NCALD: variants seen among roughly 807,000 people sequenced by gnomAD.
NCALD encodes the protein neurocalcin delta, also known as neurocalcin-delta.
Under a neutral mutation model 18.6 loss-of-function variants are expected in NCALD, and 10 were observed. The observed-to-expected ratio is 0.54, with a 90% confidence interval of 0.33 to 0.91. The LOEUF (loss-of-function observed/expected upper bound fraction) is 0.91, where lower values mean the gene tolerates loss of function less well. NCALD is among the 40% of genes least tolerant of loss of function. NCALD has a pLI of 0.03. For missense variants in NCALD, 184 were observed against 247.6 expected, an observed-to-expected ratio of 0.74 and a Z score of 1.72; for synonymous variants, 88 against 87.4, an observed-to-expected ratio of 1.01 and a Z score of -0.04.
rs534858074 is a variant in NCALD at position 101,738,164 on chromosome 8, G to A, written c.-19-18516C>T. ...GTACCGGTATTGGTTTTCTCCTTAT[G>A]TTTTGTTTTTCCTAGGAAACTGAGA... is the stretch of plus-strand genomic sequence containing the variant. On this transcript the variant is annotated intron_variant, in intron 1 of 3. Coordinates refer to ENST00000220931, the MANE Select transcript of NCALD (RefSeq NM_032041.3). Among the ~76,000 whole-genome samples the A allele has an allele frequency of 1.2e-4, 18 of 152,164 alleles. 1 individual carries two copies. In the South Asian group the frequency reaches 2.9e-3, roughly 25 times the overall value.
chr8:102,070,853 C>T (rs113083184), intron 1 of NCALD, among the ~76,000 whole-genome samples: 9,250 of 152,240 alleles, frequency 0.061, 413 homozygotes, highest in Non-Finnish European at 0.092. Flanking sequence ...CACCCATTCA[C>T]ATAAGCCCTC....
intron 4 of NCALD, chr8:101,871,812 G>A: frequency 2.5e-6 from 1 of 398,420 alleles, no homozygotes; most frequent in Non-Finnish European, 4.5e-6. Flanking sequence ...AGTTCAGCAT[G>A]TGATAGCAGC....
chr8:101,830,548 C>CA (rs71268534), intron 4 of NCALD, among the ~76,000 whole-genome samples: 69,244 of 141,042 alleles, frequency 0.49, 18,993 homozygotes, highest in Non-Finnish European at 0.64. Context: ...GACTCCGTCT[C>CA]AAAAAAAAAA....
chr8:101,754,368 TGTC>T (rs1394046387), intron 1 of NCALD, among the ~76,000 whole-genome samples: 1 of 152,152 alleles, frequency 6.6e-6, no homozygotes, highest in Non-Finnish European at 1.5e-5. Context: ...TATAACAAGA[TGTC>T]ATAAACTGGG....
Position 101,729,649 on chromosome 8 carries a change from C to T in NCALD, c.-19-10001G>A, listed in dbSNP as rs535886151. Among the ~76,000 whole-genome samples, 16 of 152,240 alleles carry T rather than the reference C, an allele frequency of 1.1e-4. No individual in the cohort carries two copies. In the South Asian group the frequency reaches 3.1e-3, roughly 30 times the overall value. ...ACAAAAAAATCTGGTGAGCAAGAGG[C>T]TCACTAGAAACAAATGTACTCTTCT... On this transcript the variant is annotated intron_variant, in intron 1 of 3. Coordinates refer to ENST00000220931, the MANE Select transcript of NCALD (RefSeq NM_032041.3).
At chr8:101,891,907 A>C (rs113552357) in intron 3 of NCALD, among the ~76,000 whole-genome samples, 10,236 of 152,208 alleles carry the variant, frequency 0.067, 721 homozygotes, top group African/African-American at 0.17. Context: ...GTCTGAGATC[A>C]AACTGCAAGG....
In NCALD at chr8:101,693,351, T is replaced by TTTC. The variant is rs1563659147; in HGVS notation, c.379-456_379-455insGAA. 3 of 122,570 alleles carry TTTC rather than the reference T, an allele frequency of 2.4e-5. No individual in the cohort carries two copies. In the Admixed American group the frequency reaches 2.5e-4, roughly 10 times the overall value. 7.6% of individuals were successfully genotyped at this position (122,570 alleles called of 1,614,324 possible). A position where few individuals can be genotyped will look rare whatever the true frequency, so the allele number is the denominator to read the frequency against. ...TTTTTTTTTTTTTTTTTTTTTTTTTTCTGTACAGACAAGGTCTCATTATGT... is the reference window on the plus strand; with the variant it reads ...TTTTTTTTTTTTTTTTTTTTTTTTTTTTCCTGTACAGACAAGGTCTCATTATGT... On this transcript the variant is annotated intron_variant, in intron 2 of 3. Coordinates refer to ENST00000220931, the MANE Select transcript of NCALD (RefSeq NM_032041.3).
intron 4 of NCALD, among the ~76,000 whole-genome samples, chr8:101,833,753 A>C (rs1415869963): frequency 6.6e-6 from 1 of 152,142 alleles, no homozygotes; most frequent in East Asian, 1.9e-4. Flanking sequence ...AAAAGAGAAA[A>C]AAGTGTGTAA....
At chr8:101,939,095 T>C (rs1347389114) in intron 2 of NCALD, among the ~76,000 whole-genome samples, 1 of 152,200 alleles carries the variant, frequency 6.6e-6, no homozygotes, top group African/African-American at 2.4e-5. Flanking sequence ...AAAGAAAAAG[T>C]CTTCTACTTT....
chr8:101,753,533 A>G (rs934751608), intron 1 of NCALD, among the ~76,000 whole-genome samples: 3 of 152,204 alleles, frequency 2.0e-5, no homozygotes, highest in Non-Finnish European at 2.9e-5. Flanking sequence ...CAGTCCCCAG[A>G]GAATAGATAT....
intron 1 of NCALD, among the ~76,000 whole-genome samples, chr8:102,049,291 C>A (rs1823349385): frequency 6.6e-6 from 1 of 152,200 alleles, no homozygotes; most frequent in Admixed American, 6.5e-5. Flanking sequence ...AAGGGCCAAC[C>A]GCATGGATCC....
At chr8:101,786,997 T>A (rs1812253815) in intron 1 of NCALD, among the ~76,000 whole-genome samples, 1 of 152,208 alleles carries the variant, frequency 6.6e-6, no homozygotes, top group African/African-American at 2.4e-5. Flanking sequence ...CCAGTGAATT[T>A]CAATATTTAT....
chr8:101,775,036 G>A (rs1811735898), intron 1 of NCALD, among the ~76,000 whole-genome samples: 1 of 152,158 alleles, frequency 6.6e-6, no homozygotes, highest in African/African-American at 2.4e-5. Flanking sequence ...TCACAAATAG[G>A]AAACTTGCTC....
chr8:101,898,754 G>A, intron 3 of NCALD, among the ~76,000 whole-genome samples: 1 of 152,048 alleles, frequency 6.6e-6, no homozygotes, highest in East Asian at 1.9e-4. Flanking sequence ...CACTCTCTTT[G>A]CTAATTCCAC....
At chr8:101,891,538 G>A (rs1435705050) in intron 3 of NCALD, among the ~76,000 whole-genome samples, 6 of 152,186 alleles carry the variant, frequency 3.9e-5, no homozygotes, top group African/African-American at 1.2e-4. Context: ...AACAGCTCCG[G>A]TCTACAGCTC....
intron 2 of NCALD, among the ~76,000 whole-genome samples, chr8:101,974,692 TTG>T (rs1351771516): frequency 6.6e-6 from 1 of 152,188 alleles, no homozygotes; most frequent in Admixed American, 6.5e-5. Context: ...TCTGCAATTT[TTG>T]TGTGTGTTCA....
intron 4 of NCALD, among the ~76,000 whole-genome samples, chr8:101,869,284 G>A (rs999774006): frequency 6.6e-6 from 1 of 152,182 alleles, no homozygotes; most frequent in Admixed American, 6.5e-5. Context: ...TCAAGAGAGA[G>A]GGAGGAGGAT....
chr8:101,740,694 A>G (rs1289839523), intron 1 of NCALD, among the ~76,000 whole-genome samples: 1 of 152,198 alleles, frequency 6.6e-6, no homozygotes, highest in Non-Finnish European at 1.5e-5. Context: ...AAGTGGTTTA[A>G]AAAAACCCAA....
intron 1 of NCALD, among the ~76,000 whole-genome samples, chr8:101,769,978 A>G (rs906084279): frequency 1.3e-5 from 2 of 152,186 alleles, no homozygotes; most frequent in Non-Finnish European, 2.9e-5. Context: ...TCTAACATGA[A>G]CAAAGATCAT....
Sources: allele counts gnomAD v4.1 joint callset (sites outside exome capture counted in the v4.1 genomes callset), GRCh38; gene constraint gnomAD v4.1.1; transcripts MANE v1.5; gene names NCBI Gene and HGNC (gene_info 2026-07-23, HGNC 2026-07-21).